Variants in RGMB observed in about 807,000 individuals in gnomAD.
The protein encoded by RGMB is repulsive guidance molecule BMP co-receptor b, also known as repulsive guidance molecule B.
A neutral mutation model predicts 26.9 loss-of-function variants in RGMB; 16 were observed. That is an observed-to-expected ratio of 0.60 (90% CI 0.40 to 0.90). RGMB has a LOEUF of 0.90. Ranked by LOEUF, RGMB falls within the 40% of genes least tolerant of loss-of-function variation. The pLI, the probability that RGMB is intolerant of heterozygous loss-of-function variation, is 0.00. For missense variants in RGMB, 512 were observed against 573.3 expected (o/e 0.89, Z 1.09); for synonymous variants, 225 against 229.3 (o/e 0.98, Z 0.17).
intron 1 of RGMB, 35 bp downstream of exon 1, chr5:98,774,241 G>A: frequency 7.3e-7 from 1 of 1,364,090 alleles, no homozygotes. Context: ...GCCAGCCCCG[G>A]GGCCTAGGGC....
At chr5:98,770,401 C>G, upstream of RGMB, 1 of 399,110 alleles carries the variant, frequency 2.5e-6, no homozygotes, top group Non-Finnish European at 4.5e-6. Flanking sequence ...AGCGCATTAC[C>G]TCCGCGCGCT....
Position 98,795,213 on chromosome 5 carries a change from GATGTAA to G in RGMB, c.*1463_*1468del, listed in dbSNP as rs1386436704. 2 of 152,196 alleles carry G rather than the reference GATGTAA, an allele frequency of 1.3e-5. No individual in the cohort carries two copies. The highest frequency in any genetic ancestry group is 4.8e-5 in the African/African-American group (2 of 41,446). 9.4% of individuals were successfully genotyped at this position (152,196 alleles called of 1,614,324 possible). A position where few individuals can be genotyped will look rare whatever the true frequency, so the allele number is the denominator to read the frequency against. On this transcript the variant is annotated 3_prime_UTR_variant, in exon 3 of 3. Transcript: ENST00000513185. ...AGGTAGGTTTCTATTGTTATAGCTAGATGTAAATCTTTAGTTCCAAGAAGTGATAGA... is the reference window on the plus strand; with the variant it reads ...AGGTAGGTTTCTATTGTTATAGCTAGATCTTTAGTTCCAAGAAGTGATAGA...
chr5:98,779,465 G>T (rs1454035223), intron 1 of RGMB, 115 bp from the exon 2 acceptor site: 3 of 998,448 alleles, frequency 3.0e-6, no homozygotes. Context: ...CTTAAAATAG[G>T]AGTACAGTGT....
chr5:98,790,646 CT>C (rs764548145), intron 2 of RGMB, among the ~76,000 whole-genome samples: 1 of 152,140 alleles, frequency 6.6e-6, no homozygotes, highest in Non-Finnish European at 1.5e-5. Flanking sequence ...TGGACCCTTG[CT>C]TGCTTTTTGG....
At chr5:98,792,108 C>T (rs1561447217) in intron 2 of RGMB, among the ~76,000 whole-genome samples, 1 of 152,250 alleles carries the variant, frequency 6.6e-6, no homozygotes, top group East Asian at 1.9e-4. Flanking sequence ...ATTTCCCTGT[C>T]GCAGGGATTA....
chr5:98,792,053 G>A (rs983092087), intron 2 of RGMB, among the ~76,000 whole-genome samples: 10 of 152,160 alleles, frequency 6.6e-5, no homozygotes, highest in Non-Finnish European at 1.5e-4. Flanking sequence ...CTAGGTTTAG[G>A]GTATTCAGTC....
chr5:98,779,893 C>T lies in RGMB; in HGVS notation c.450C>T (p.His150=), dbSNP rs774704011. ...ACAGCCACGCTGGAGCCAGGGAACA[C>T]AGGAGAGGGGACCAGAACCCTCCCA... ...NYHSHAGARE[H]RRGDQNPPSY... Residue 150 remains histidine, a synonymous_variant, in exon 2 of 3, where the codon CAC becomes CAT. Coordinates refer to ENST00000513185, the MANE Select transcript of RGMB (RefSeq NM_001366508.1). The T allele has an allele frequency of 5.6e-5, 91 of 1,613,862 alleles. No homozygotes were observed. In the Middle Eastern group the frequency reaches 8.2e-4, roughly 15 times the overall value.
rs1262849737 is a variant in RGMB, at chr5:98,794,581, T to G, written c.*828T>G. 6.6e-6 allele frequency: 1 copy of G among 152,258 alleles called. No individual in the cohort carries two copies. The highest frequency in any genetic ancestry group is 1.5e-5 in the Non-Finnish European group (1 of 68,056). The allele number at this position is 152,258 out of a possible 1,614,324, so 9.4% of individuals were successfully genotyped here. ...AAATTGTCAGTTTTCCCTCTGACTCTTCTGTGTTAAAACATGAAACTATAA... is the reference window on the plus strand; with the variant it reads ...AAATTGTCAGTTTTCCCTCTGACTCGTCTGTGTTAAAACATGAAACTATAA... On this transcript the variant is annotated 3_prime_UTR_variant, in exon 3 of 3. Transcript: ENST00000513185.
intron 1 of RGMB, among the ~76,000 whole-genome samples, chr5:98,775,405 G>C (rs968050377): frequency 1.3e-5 from 2 of 152,142 alleles, no homozygotes; most frequent in Admixed American, 6.5e-5. Context: ...GAAAGTTTTA[G>C]GATGATTACG....
rs1747097435 is a variant in RGMB at position 98,795,669 on chromosome 5, A to AGACGG, written c.*1916_*1917insGACGG. 1 of 152,190 alleles carries AGACGG rather than the reference A, an allele frequency of 6.6e-6. No homozygotes were observed. Among genetic ancestry groups the AGACGG allele is most frequent in the South Asian group, 2.1e-4 (1 of 4,828 alleles). The allele number at this position is 152,190 out of a possible 1,614,324, so 9.4% of individuals were successfully genotyped here. ...AGAGACGGACTGACCATCAGCTCTG[A>AGACGG]ACTGTGGCTTTTTTTGTTCACCTAT... is the stretch of plus-strand genomic sequence containing the variant. On this transcript the variant is annotated 3_prime_UTR_variant, in exon 3 of 3. Transcript: ENST00000513185.
In RGMB at chr5:98,794,406, G is replaced by A. The variant is rs1368516161; in HGVS notation, c.*653G>A. 1 of 152,112 alleles carries A rather than the reference G, an allele frequency of 6.6e-6. No homozygotes were observed. Among genetic ancestry groups the A allele is most frequent in the Non-Finnish European group, 1.5e-5 (1 of 68,034 alleles). 9.4% of individuals were successfully genotyped at this position (152,112 alleles called of 1,614,324 possible). A position where few individuals can be genotyped will look rare whatever the true frequency, so the allele number is the denominator to read the frequency against. ...ATTCTGATTACTCTCAATTCTAATT[G>A]TTATATATTTGAGCCCATACAGTGT... On this transcript the variant is annotated 3_prime_UTR_variant, in exon 3 of 3. Coordinates refer to ENST00000513185, the MANE Select transcript of RGMB (RefSeq NM_001366508.1).
chr5:98,769,390 G>T (rs1449697886), upstream of RGMB: 1 of 152,416 alleles, frequency 6.6e-6, no homozygotes, highest in Non-Finnish European at 1.5e-5. Context: ...CTAGATGGCG[G>T]AGAAATCGGG....
intron 2 of RGMB, among the ~76,000 whole-genome samples, chr5:98,784,456 A>G (rs1167293186): frequency 6.6e-6 from 1 of 152,174 alleles, no homozygotes; most frequent in Non-Finnish European, 1.5e-5. Context: ...TTTCCATTGT[A>G]AGAAACACCA....
At chr5:98,774,499 G>T (rs1218715628) in intron 1 of RGMB, among the ~76,000 whole-genome samples, 3 of 152,230 alleles carry the variant, frequency 2.0e-5, no homozygotes. Context: ...TAGCGGGCGG[G>T]GGCCGCGCGC....
At chr5:98,791,255 G>T (rs1353673964) in intron 2 of RGMB, among the ~76,000 whole-genome samples, 4 of 152,154 alleles carry the variant, frequency 2.6e-5, no homozygotes, top group Non-Finnish European at 4.4e-5. Context: ...TACATTGTCT[G>T]GCTTTTAGTT....
intron 1 of RGMB, among the ~76,000 whole-genome samples, chr5:98,774,446 A>G (rs1746319926): frequency 6.6e-6 from 1 of 152,090 alleles, no homozygotes; most frequent in Non-Finnish European, 1.5e-5. Flanking sequence ...TTCGGCTCGG[A>G]CCGCTGACAA....
chr5:98,770,759 T>C, upstream of RGMB: 1 of 808,176 alleles, frequency 1.2e-6, no homozygotes, highest in Non-Finnish European at 1.8e-6. Flanking sequence ...TTTCCTTTCC[T>C]TACTGTTCTA....
chr5:98,778,425 T>C (rs957318785), intron 1 of RGMB, among the ~76,000 whole-genome samples: 2 of 152,236 alleles, frequency 1.3e-5, no homozygotes, highest in African/African-American at 4.8e-5. Flanking sequence ...AAGTTCGTCT[T>C]AGAATAGCTT....
chr5:98,784,587 G>T lies in RGMB; in HGVS notation c.645+4499G>T, dbSNP rs181069856. ...CAGTGTTCTGGGTCATTCTTTGTTGGTTACAAAATCAGAACCAGACATGCC... is the reference window on the plus strand; with the variant it reads ...CAGTGTTCTGGGTCATTCTTTGTTGTTTACAAAATCAGAACCAGACATGCC... On this transcript the variant is annotated intron_variant, in intron 2 of 2. Transcript: ENST00000513185. Among the ~76,000 whole-genome samples the T allele has an allele frequency of 3.9e-5, 6 of 152,258 alleles. No homozygotes were observed. The East Asian group carries it at 1.2e-3, about 29-fold the overall frequency.
Sources: gnomAD v4.1 joint callset for allele counts (sites outside exome capture counted in the v4.1 genomes callset) on GRCh38, gnomAD v4.1.1 for gene constraint, MANE v1.5 for transcripts, NCBI Gene and HGNC (gene_info 2026-07-23, HGNC 2026-07-21) for gene names.